VCAN: variants seen among roughly 807,000 people sequenced by gnomAD.
VCAN encodes the protein versican, also known as versican core protein.
A neutral mutation model predicts 245.5 loss-of-function variants in VCAN; 44 were observed. That is an observed-to-expected ratio of 0.18 (90% CI 0.14 to 0.23). VCAN has a LOEUF of 0.23. Ranked by LOEUF, VCAN falls within the 10% of genes least tolerant of loss-of-function variation. VCAN has a pLI of 1.00. For synonymous variants in VCAN, 1,413 were observed against 1,437.0 expected, an observed-to-expected ratio of 0.98 and a Z score of 0.38; for missense variants, 3,793 against 4,057.9, an observed-to-expected ratio of 0.93 and a Z score of 1.77.
intron 7 of VCAN, among the ~76,000 whole-genome samples, chr5:83,524,323 CCTT>C (rs1301796001): frequency 6.6e-6 from 1 of 152,070 alleles, no homozygotes; most frequent in African/African-American, 2.4e-5. Context: ...TGTTTCTTCT[CCTT>C]CTGCTTCTAA....
rs1746749202 is a variant in VCAN at position 83,537,162 on chromosome 5, G to A, written c.4159G>A (p.Glu1387Lys). 1 of 1,613,740 alleles carries A rather than the reference G, an allele frequency of 6.2e-7. No individual in the cohort carries two copies. The highest frequency in any genetic ancestry group is 8.5e-7 in the Non-Finnish European group (1 of 1,179,864). Residue 1387 changes from glutamate to lysine, a missense_variant, in exon 8 of 15, where the codon GAA (glutamate) becomes AAA (lysine). Glu to Lys is a moderately conservative substitution (Grantham distance 56). Coordinates refer to ENST00000265077, the MANE Select transcript of VCAN (RefSeq NM_004385.5). ...AATTGAAATAGACCTATACCACAGT[G>A]AAGAAAATGAAGAAGAAGAAGAAGA... ...DIIEIDLYHS[E>K]ENEEEEEECA...
chr5:83,515,681 A>G (rs173686), intron 6 of VCAN, among the ~76,000 whole-genome samples: 82,189 of 152,096 alleles, frequency 0.54, 24,374 homozygotes, highest in East Asian at 0.86. Context: ...GCTTAAGTTT[A>G]GAAATCAAGA....
At chr5:83,488,946 A>G (rs962162376) in intron 2 of VCAN, among the ~76,000 whole-genome samples, 1 of 152,192 alleles carries the variant, frequency 6.6e-6, no homozygotes, top group African/African-American at 2.4e-5. Context: ...CTTAAAGGAT[A>G]TATCTCCATA....
chr5:83,486,593 AG>A (rs1047015474), intron 2 of VCAN, among the ~76,000 whole-genome samples: 10 of 152,234 alleles, frequency 6.6e-5, no homozygotes, highest in African/African-American at 2.4e-4. Flanking sequence ...GGGAATTTAC[AG>A]GGAAAGTAGT....
intron 13 of VCAN, among the ~76,000 whole-genome samples, chr5:83,574,072 G>C (rs1053283797): frequency 2.6e-5 from 4 of 152,154 alleles, no homozygotes; most frequent in African/African-American, 9.7e-5. Context: ...GGAATCCAAA[G>C]GCTAGTGAGC....
At position 83,538,530 on chromosome 5, in the gene VCAN, G is replaced by C; in HGVS notation, c.5527G>C (p.Asp1843His). 6.2e-7 allele frequency: 1 copy of C among 1,614,020 alleles called. No homozygotes were observed. The highest frequency in any genetic ancestry group is 8.5e-7 in the Non-Finnish European group (1 of 1,179,956). Reference sequence around the variant, plus strand: ...GCAGGGCTCTGGAGAAGCTGCTGCCGACCCAGAAACCACCACTGTTTCTTC... The same window carrying C: ...GCAGGGCTCTGGAGAAGCTGCTGCCCACCCAGAAACCACCACTGTTTCTTC... Reference protein sequence around the residue: ...MEQGSGEAAADPETTTVSSFS... With the variant: ...MEQGSGEAAAHPETTTVSSFS... Residue 1843 changes from aspartate to histidine, a missense_variant, in exon 8 of 15, where the codon GAC (aspartate) becomes CAC (histidine). Asp to His is a moderately conservative substitution (Grantham distance 81, BLOSUM62 -1). Transcript: ENST00000265077.
chr5:83,521,680 G>T lies in VCAN; in HGVS notation c.3374G>T (p.Arg1125Leu), dbSNP rs146606609. 1.2e-5 allele frequency: 20 copies of T among 1,613,668 alleles called. No individual in the cohort carries two copies. Among genetic ancestry groups the T allele is most frequent in the Non-Finnish European group, 1.6e-5 (19 of 1,180,004 alleles). ...KTDEVVTLTP[R>L]IGPKVSLSPG... ...GATGAAGTGGTAACACTAACACCAC[G>T]CATTGGGCCAAAAGTATCTTTAAGT... Residue 1125 changes from arginine to leucine, a missense_variant, in exon 7 of 15, where the codon CGC becomes CTC. Transcript: ENST00000265077.
At chr5:83,492,772 A>G (rs1238966339) in intron 3 of VCAN, among the ~76,000 whole-genome samples, 1 of 152,256 alleles carries the variant, frequency 6.6e-6, no homozygotes, top group Non-Finnish European at 1.5e-5. Flanking sequence ...CTGTCATAGC[A>G]GAGACCCTAC....
chr5:83,485,592 G>A (rs867269453), intron 2 of VCAN, among the ~76,000 whole-genome samples: 1 of 152,120 alleles, frequency 6.6e-6, no homozygotes, highest in East Asian at 1.9e-4. Context: ...GTAGTAGCCT[G>A]TGCATGAAAT....
chr5:83,474,551 A>C (rs1744314277), intron 1 of VCAN, among the ~76,000 whole-genome samples: 1 of 152,134 alleles, frequency 6.6e-6, no homozygotes, highest in Non-Finnish European at 1.5e-5. Flanking sequence ...AGGACCCGCA[A>C]CGGGCGCTCC....
chr5:83,502,509 A>T (rs763554123), intron 5 of VCAN, among the ~76,000 whole-genome samples: 30 of 152,306 alleles, frequency 2.0e-4, no homozygotes, highest in Non-Finnish European at 4.0e-4. Flanking sequence ...AAATTTTTAG[A>T]ACCTCTTTCT....
At chr5:83,502,657 G>C (rs1745366130) in intron 5 of VCAN, among the ~76,000 whole-genome samples, 1 of 152,158 alleles carries the variant, frequency 6.6e-6, no homozygotes, top group Admixed American at 6.5e-5. Context: ...GTAAGATCTT[G>C]TGTAATAACA....
At chr5:83,499,651 A>T (rs1304506250) in intron 5 of VCAN, among the ~76,000 whole-genome samples, 1 of 152,048 alleles carries the variant, frequency 6.6e-6, no homozygotes, top group Non-Finnish European at 1.5e-5. Context: ...TCCTTCCCAG[A>T]GATACTCCTT....
chr5:83,573,734 A>G (rs553830555), intron 13 of VCAN, among the ~76,000 whole-genome samples: 82 of 152,270 alleles, frequency 5.4e-4, no homozygotes, highest in African/African-American at 1.9e-3. Context: ...ACCAAAATGT[A>G]TGAATGCACA....
chr5:83,475,827 A>T (rs1744369826), intron 1 of VCAN, among the ~76,000 whole-genome samples: 1 of 152,208 alleles, frequency 6.6e-6, no homozygotes, highest in African/African-American at 2.4e-5. Flanking sequence ...CAAGACAATC[A>T]TTTAGGATTT....
chr5:83,472,414 C>T (rs753737353), intron 1 of VCAN, among the ~76,000 whole-genome samples: 2 of 152,110 alleles, frequency 1.3e-5, no homozygotes, highest in Non-Finnish European at 2.9e-5. Flanking sequence ...GTTCTTAACA[C>T]GCTCGAGGCA....
chr5:83,506,389 G>A (rs1417835252), intron 5 of VCAN, among the ~76,000 whole-genome samples: 2 of 152,248 alleles, frequency 1.3e-5, no homozygotes, highest in Middle Eastern at 3.4e-3. Context: ...CAAGTTCAAA[G>A]TTCCACAAAT....
At chr5:83,563,406 T>C (rs537755703) in intron 12 of VCAN, among the ~76,000 whole-genome samples, 3 of 152,258 alleles carry the variant, frequency 2.0e-5, no homozygotes, top group Non-Finnish European at 2.9e-5. Context: ...ACACCAGCCA[T>C]CTAGGGATAA....
intron 2 of VCAN, among the ~76,000 whole-genome samples, chr5:83,484,547 CCATCCATT>C (rs1262238860): frequency 2.0e-5 from 3 of 149,136 alleles, no homozygotes; most frequent in East Asian, 1.9e-4. Flanking sequence ...ATCCATCCAT[CCATCCATT>C]CATCCATCCA....
Sources: gnomAD v4.1 joint callset for allele counts (sites outside exome capture counted in the v4.1 genomes callset) on GRCh38, gnomAD v4.1.1 for gene constraint, MANE v1.5 for transcripts, NCBI Gene and HGNC (gene_info 2026-07-23, HGNC 2026-07-21) for gene names.